Variants in VWA3B observed in about 807,000 individuals in gnomAD.
The protein encoded by VWA3B is von Willebrand factor A domain-containing protein 3B.
A neutral mutation model predicts 158.3 loss-of-function variants in VWA3B; 138 were observed. The observed-to-expected ratio is 0.87, with a 90% CI of 0.76 to 1.00. The LOEUF (loss-of-function observed/expected upper bound fraction) is 1.00. Ranked by LOEUF, VWA3B falls within the 50% of genes least tolerant of loss-of-function variation. VWA3B has a pLI of 0.00. For missense variants in VWA3B, 1,555 were observed against 1,565.1 expected, an observed-to-expected ratio of 0.99 and a Z score of 0.11; for synonymous variants, 596 against 587.3, an observed-to-expected ratio of 1.01 and a Z score of -0.21.
At chr2:98,264,917 C>T (rs1424683761) in intron 21 of VWA3B, among the ~76,000 whole-genome samples, 1 of 152,072 alleles carries the variant, frequency 6.6e-6, no homozygotes, top group East Asian at 1.9e-4. Flanking sequence ...GTTATATCCT[C>T]TTAGTGGATT....
Position 98,125,704 on chromosome 2 carries a change from G to A in VWA3B, c.703-2535G>A, listed in dbSNP as rs368937912. On this transcript the variant is annotated intron_variant, in intron 5 of 27. Coordinates refer to ENST00000477737, the MANE Select transcript of VWA3B (RefSeq NM_144992.5). The surrounding 1 kb of genome is among the most constrained non-coding windows in gnomAD (Gnocchi z 4.1). ...TTTTGAAACCGAGTCTCGCTCTGTCGCCCAGGCTGGAGTGCAGTGGCACGA... is the reference window on the plus strand; with the variant it reads ...TTTTGAAACCGAGTCTCGCTCTGTCACCCAGGCTGGAGTGCAGTGGCACGA... Among the ~76,000 whole-genome samples, 31 of 151,680 alleles carry A rather than the reference G, an allele frequency of 2.0e-4. No homozygotes were observed. Among genetic ancestry groups the A allele is most frequent in the African/African-American group, 5.1e-4 (21 of 41,286 alleles).
rs773589304 is a variant in VWA3B, at chr2:98,093,236, C to G, written c.144C>G (p.Asn48Lys). ...KWLQLHGLKSNKLTLKQILSQ... is the reference protein window; with the variant it reads ...KWLQLHGLKSKKLTLKQILSQ... ...TTCAACTGCATGGGCTTAAGAGCAACAAATTGACCTTGAAACAGATTTTGT... is the reference window on the plus strand; with the variant it reads ...TTCAACTGCATGGGCTTAAGAGCAAGAAATTGACCTTGAAACAGATTTTGT... Residue 48 changes from asparagine to lysine, a missense_variant, in exon 2 of 28, where the codon AAC (asparagine) becomes AAG (lysine). Coordinates refer to ENST00000477737, the MANE Select transcript of VWA3B (RefSeq NM_144992.5). 8 of 1,614,002 alleles carry G rather than the reference C, an allele frequency of 5.0e-6. No individual in the cohort carries two copies. In the Admixed American group the frequency reaches 1.3e-4, roughly 27 times the overall value.
At chr2:98,140,160 C>T (rs1296513144) in intron 7 of VWA3B, among the ~76,000 whole-genome samples, 1 of 152,226 alleles carries the variant, frequency 6.6e-6, no homozygotes. Flanking sequence ...CCAGATGCTC[C>T]ACCTTAAGAG....
rs1687121634 is a variant in VWA3B at position 98,256,118 on chromosome 2, T to TA, written c.2793-4dup. 5 of 1,612,962 alleles carry TA rather than the reference T, an allele frequency of 3.1e-6. No homozygotes were observed. Among genetic ancestry groups the TA allele is most frequent in the Admixed American group, 1.7e-5 (1 of 59,762 alleles). ...AAAATTATTGTTGACTTTTTTTTTT[T>TA]AACAGGCGCTTGAATAAAATTGTTT... On this transcript the variant is annotated splice_polypyrimidine_tract_variant and splice_region_variant and intron_variant, in intron 20 of 27. Transcript: ENST00000477737.
At chr2:98,126,220 C>A (rs754071155) in intron 5 of VWA3B, among the ~76,000 whole-genome samples, 13 of 152,150 alleles carry the variant, frequency 8.5e-5, no homozygotes, top group Non-Finnish European at 1.5e-4. Context: ...GATGAAATCT[C>A]AAGGGAAAAA....
intron 22 of VWA3B, among the ~76,000 whole-genome samples, chr2:98,287,627 C>T (rs1288162112): frequency 6.6e-6 from 1 of 152,146 alleles, no homozygotes; most frequent in African/African-American, 2.4e-5. Context: ...CTAATAGTTT[C>T]TGCATGTAGT....
chr2:98,219,667 A>G (rs926195954), intron 14 of VWA3B, among the ~76,000 whole-genome samples: 1 of 152,226 alleles, frequency 6.6e-6, no homozygotes, highest in Non-Finnish European at 1.5e-5. Context: ...GCAATGACAA[A>G]GAGAACATCT....
At chr2:98,202,185 A>G (rs1243302350) in intron 12 of VWA3B, among the ~76,000 whole-genome samples, 1 of 152,162 alleles carries the variant, frequency 6.6e-6, no homozygotes, top group Non-Finnish European at 1.5e-5. Flanking sequence ...CAATTTCTTT[A>G]ACAGATTTAG....
intron 15 of VWA3B, 59 bp downstream of exon 15, chr2:98,228,391 C>T (rs1365639695): frequency 3.0e-5 from 46 of 1,528,948 alleles, no homozygotes; most frequent in Non-Finnish European, 4.0e-5. Context: ...CTGGGCTTGC[C>T]CCCTGGGCCC....
chr2:98,226,166 T>C (rs982973354), intron 14 of VWA3B, among the ~76,000 whole-genome samples: 1 of 152,240 alleles, frequency 6.6e-6, no homozygotes, highest in Non-Finnish European at 1.5e-5. Flanking sequence ...AGAATCATTA[T>C]ACCTAGTATT....
At chr2:98,211,393 G>A (rs777158905) in intron 12 of VWA3B, among the ~76,000 whole-genome samples, 3 of 152,140 alleles carry the variant, frequency 2.0e-5, no homozygotes, top group Non-Finnish European at 4.4e-5. Flanking sequence ...TTTCTATATT[G>A]ATGAAGTATT....
At chr2:98,137,407 T>A (rs1676368150) in intron 7 of VWA3B, among the ~76,000 whole-genome samples, 1 of 152,200 alleles carries the variant, frequency 6.6e-6, no homozygotes, top group African/African-American at 2.4e-5. Context: ...ATTTTGAGCA[T>A]CTTTTCATGT....
In VWA3B at chr2:98,234,637, G is replaced by A; in HGVS notation, c.2309-11G>A. On this transcript the variant is annotated splice_polypyrimidine_tract_variant and intron_variant, in intron 16 of 27. Transcript: ENST00000477737. ...CAATTCCTTTAACTCTTCCCTCTGT[G>A]ATACCAACAGAATCAACCAAAACCA... The A allele has an allele frequency of 1.9e-6, 3 of 1,614,088 alleles. No homozygotes were observed. Among genetic ancestry groups the A allele is most frequent in the South Asian group, 1.1e-5 (1 of 91,052 alleles).
In VWA3B at chr2:98,120,297, A is replaced by G. The variant is rs137986444; in HGVS notation, c.542+534A>G. Among the ~76,000 whole-genome samples the G allele has an allele frequency of 9.2e-5, 14 of 152,350 alleles. No homozygotes were observed. The East Asian group carries it at 2.5e-3, about 27-fold the overall frequency. On this transcript the variant is annotated intron_variant, in intron 4 of 27. Transcript: ENST00000477737. ...TCAAGAGAATTTGGACCTTAGCATT[A>G]ACTTCTCATCTGGAAAAGTTATTGC...
At chr2:98,119,813 G>C (rs1360594165) in intron 4 of VWA3B, 50 bp downstream of exon 4, 1 of 1,599,396 alleles carries the variant, frequency 6.3e-7, no homozygotes, top group African/African-American at 1.3e-5. Context: ...ATAGTAATTT[G>C]TACATATTTG....
chr2:98,300,949 G>A lies in VWA3B; in HGVS notation c.3420+733G>A, dbSNP rs114438344. Among the ~76,000 whole-genome samples, 1,036 of 152,260 alleles carry A rather than the reference G, an allele frequency of 6.8e-3. 10 individuals are homozygous for A. The highest frequency in any genetic ancestry group is 0.024 in the African/African-American group (985 of 41,536). On this transcript the variant is annotated intron_variant, in intron 25 of 27. Coordinates refer to ENST00000477737, the MANE Select transcript of VWA3B (RefSeq NM_144992.5). ...AAGTTGGGAGACATAAGGGCGGACAGGCACAAAGTGGAGTAGAGTGAAAAG... is the reference window on the plus strand; with the variant it reads ...AAGTTGGGAGACATAAGGGCGGACAAGCACAAAGTGGAGTAGAGTGAAAAG...
At chr2:98,129,845 A>G (rs1675721135) in intron 6 of VWA3B, among the ~76,000 whole-genome samples, 1 of 151,976 alleles carries the variant, frequency 6.6e-6, no homozygotes, top group Non-Finnish European at 1.5e-5. Flanking sequence ...TTCTTTAAAT[A>G]TTTTTAAATT....
At chr2:98,124,282 G>A (rs1675192815) in intron 5 of VWA3B, among the ~76,000 whole-genome samples, 1 of 152,222 alleles carries the variant, frequency 6.6e-6, no homozygotes, top group Admixed American at 6.5e-5. Flanking sequence ...AGGGGAAGAT[G>A]TGGGTCCCAT....
At chr2:98,304,638 T>G (rs924460564) in intron 26 of VWA3B, among the ~76,000 whole-genome samples, 4 of 152,140 alleles carry the variant, frequency 2.6e-5, no homozygotes, top group African/African-American at 9.7e-5. Flanking sequence ...TGTCAAAGAA[T>G]CAGTGTCCTT....
Sources: gnomAD v4.1 joint callset for allele counts (sites outside exome capture counted in the v4.1 genomes callset) on GRCh38, gnomAD v4.1.1 for gene constraint, Gnocchi (gnomAD v3.1) non-coding constraint, MANE v1.5 for transcripts, NCBI Gene and HGNC (gene_info 2026-07-23, HGNC 2026-07-21) for gene names.